Variants in MED30 observed in about 807,000 individuals in gnomAD.
The protein encoded by MED30 is mediator of RNA polymerase II transcription subunit 30.
MED30 carries 8 observed loss-of-function variants against 21.7 expected under a neutral mutation model. The observed-to-expected ratio is 0.37, with a 90% CI of 0.22 to 0.67. The LOEUF is 0.67. Among genes scored for constraint, MED30 ranks in the 30% least tolerant of loss-of-function variants. MED30 has a pLI of 0.58. For missense variants in MED30, 203 were observed against 228.2 expected, an observed-to-expected ratio of 0.89 and a Z score of 0.71; for synonymous variants, 79 against 86.7, an observed-to-expected ratio of 0.91 and a Z score of 0.49.
In MED30 at chr8:117,539,939, C is replaced by T. The variant is rs150287508; in HGVS notation, c.498C>T (p.Leu166=). The T allele has an allele frequency of 2.1e-3, 3,376 of 1,608,894 alleles. 9 individuals carry two copies. Among genetic ancestry groups the T allele is most frequent in the Non-Finnish European group, 1.9e-3 (2,274 of 1,177,554 alleles). The change falls in exon 4 of 4, where the codon CTC becomes CTT. Residue 166 remains leucine, a synonymous_variant. Transcript: ENST00000297347. ...AAATTATGGATCAATTACGAAATCT[C>T]ATCTGGGATATAAATGCCATGTTGG... The part of the protein sequence containing the change: ...LKQIMDQLRN[L]IWDINAMLAM...
At position 117,520,853 on chromosome 8, in the gene MED30, C is replaced by T; in HGVS notation, c.-24C>T. The T allele has an allele frequency of 6.4e-7, 1 of 1,557,176 alleles. No homozygotes were observed. The highest frequency in any genetic ancestry group is 8.7e-7 in the Non-Finnish European group (1 of 1,152,096). Reference sequence around the variant, plus strand: ...CCTGACACCTGCTGTCTGGCCCCTTCCGGCCTGAAGCTGCAGCCGCGCCAT... The same window carrying T: ...CCTGACACCTGCTGTCTGGCCCCTTTCGGCCTGAAGCTGCAGCCGCGCCAT... On this transcript the variant is annotated 5_prime_UTR_variant, in exon 1 of 4. Transcript: ENST00000297347.
At chr8:117,521,983 CTT>C (rs570225615) in intron 1 of MED30, among the ~76,000 whole-genome samples, 61 of 152,270 alleles carry the variant, frequency 4.0e-4, no homozygotes, top group African/African-American at 1.3e-3. Context: ...CTTTAAGAAA[CTT>C]TTCCAAAGTG....
At chr8:117,528,000 C>G (rs1818743722) in intron 1 of MED30, among the ~76,000 whole-genome samples, 1 of 151,588 alleles carries the variant, frequency 6.6e-6, no homozygotes, top group Non-Finnish European at 1.5e-5. Flanking sequence ...GATAAAATTC[C>G]TGAATTAAAA....
At chr8:117,530,688 ATT>A (rs558293986) in intron 2 of MED30, 33 bp from the exon 3 acceptor site, 1,225 of 1,489,568 alleles carry the variant, frequency 8.2e-4, no homozygotes, top group South Asian at 1.3e-3. Context: ...CTTGAATTAT[ATT>A]TTTGCCTTTT....
At chr8:117,527,137 AT>A (rs571199960) in intron 1 of MED30, among the ~76,000 whole-genome samples, 45 of 151,924 alleles carry the variant, frequency 3.0e-4, no homozygotes, top group Non-Finnish European at 5.9e-4. Flanking sequence ...GCAAGACATA[AT>A]CATCATGCTC....
At position 117,537,900 on chromosome 8, in the gene MED30, A is replaced by G. The variant is rs1454952859; in HGVS notation, c.442-1983A>G. 2.6e-5 allele frequency among the ~76,000 whole-genome samples: 4 copies of G among 152,234 alleles called. No homozygotes were observed. The South Asian group carries it at 6.2e-4, about 24-fold the overall frequency. On this transcript the variant is annotated intron_variant, in intron 3 of 3. Transcript: ENST00000297347. ...AATTACATAAATGAGAAAACCAAGAAGAAGGAATTTATCTAAGATCAAATA... is the reference window on the plus strand; with the variant it reads ...AATTACATAAATGAGAAAACCAAGAGGAAGGAATTTATCTAAGATCAAATA...
intron 3 of MED30, 68 bp from the exon 4 acceptor site, chr8:117,539,815 T>A: frequency 1.1e-6 from 1 of 932,040 alleles, no homozygotes; most frequent in Non-Finnish European, 1.7e-6. Context: ...ACTTATGATA[T>A]TTTAATCTTC....
At position 117,525,767 on chromosome 8, in the gene MED30, T is replaced by C. The variant is rs78313042; in HGVS notation, c.178-2884T>C. ...TAAGTGAATTTGTTTCTGGATGTTCTATTCTATTCCACGTAGCTGCCTATC... is the reference window on the plus strand; with the variant it reads ...TAAGTGAATTTGTTTCTGGATGTTCCATTCTATTCCACGTAGCTGCCTATC... On this transcript the variant is annotated intron_variant, in intron 1 of 3. Coordinates refer to ENST00000297347, the MANE Select transcript of MED30 (RefSeq NM_080651.4). Among the ~76,000 whole-genome samples, 535 of 151,880 alleles carry C rather than the reference T, an allele frequency of 3.5e-3. 4 individuals carry two copies. The highest frequency in any genetic ancestry group is 0.03 in the East Asian group (153 of 5,186).
At chr8:117,528,916 C>T (rs909069802) in intron 2 of MED30, 107 bp downstream of exon 2, 25 of 922,136 alleles carry the variant, frequency 2.7e-5, no homozygotes, top group Non-Finnish European at 3.5e-5. Context: ...TTCCAGGTTT[C>T]GAATTTTATT....
chr8:117,538,065 T>G (rs1367445545), intron 3 of MED30, among the ~76,000 whole-genome samples: 1 of 152,230 alleles, frequency 6.6e-6, no homozygotes, highest in Non-Finnish European at 1.5e-5. Context: ...AAAAAGACTT[T>G]ATAGGCTTGG....
intron 3 of MED30, among the ~76,000 whole-genome samples, chr8:117,531,635 T>C (rs574427964): frequency 1.2e-4 from 18 of 152,060 alleles, no homozygotes; most frequent in Admixed American, 3.3e-4. Context: ...AGACATCTGA[T>C]AAAATTCAAT....
chr8:117,522,778 A>T (rs937966327), intron 1 of MED30, among the ~76,000 whole-genome samples: 1 of 152,130 alleles, frequency 6.6e-6, no homozygotes. Context: ...GCAATAATTT[A>T]AAAAAATGAA....
At chr8:117,530,170 C>A (rs1236192451) in intron 2 of MED30, among the ~76,000 whole-genome samples, 1 of 151,952 alleles carries the variant, frequency 6.6e-6, no homozygotes, top group Non-Finnish European at 1.5e-5. Context: ...AGAAAAAGTT[C>A]TCACAACTGC....
At position 117,520,984 on chromosome 8, in the gene MED30, C is replaced by T. The variant is rs955078000; in HGVS notation, c.108C>T (p.Ile36=). ...TCAACACGGCGTCGCTGTGCCGCAT[C>T]GGGCAGGAGACAGTGCAGGACATCG... ...REVNTASLCR[I]GQETVQDIVY... The change falls in exon 1 of 4, where the codon ATC becomes ATT. Residue 36 remains isoleucine (I), a synonymous_variant. Coordinates refer to ENST00000297347, the MANE Select transcript of MED30 (RefSeq NM_080651.4). The T allele has an allele frequency of 6.2e-7, 1 of 1,613,108 alleles. No homozygotes were observed. Among genetic ancestry groups the T allele is most frequent in the Non-Finnish European group, 8.5e-7 (1 of 1,179,488 alleles).
intron 1 of MED30, among the ~76,000 whole-genome samples, chr8:117,524,569 A>G (rs1818690713): frequency 6.6e-6 from 1 of 152,242 alleles, no homozygotes; most frequent in Admixed American, 6.5e-5. Context: ...CTTGTGGAAG[A>G]TACCATTGCT....
chr8:117,535,939 T>G (rs1818872529), intron 3 of MED30, among the ~76,000 whole-genome samples: 1 of 152,266 alleles, frequency 6.6e-6, no homozygotes, highest in South Asian at 2.1e-4. Flanking sequence ...AGGAGTTATT[T>G]AAACAAAAAT....
At chr8:117,529,001 A>G (rs886988145) in intron 2 of MED30, 192 bp downstream of exon 2, 5 of 360,728 alleles carry the variant, frequency 1.4e-5, no homozygotes, top group African/African-American at 4.2e-5. Flanking sequence ...TACATTAACA[A>G]TTTCTTGTAG....
chr8:117,523,430 C>T, intron 1 of MED30: 3 of 1,568,948 alleles, frequency 1.9e-6, no homozygotes, highest in Non-Finnish European at 2.6e-6. Flanking sequence ...GGTCGCTCAC[C>T]CTCCAGACCT....
At chr8:117,525,072 C>A (rs796269466) in intron 1 of MED30, among the ~76,000 whole-genome samples, 1 of 152,082 alleles carries the variant, frequency 6.6e-6, no homozygotes, top group Non-Finnish European at 1.5e-5. Flanking sequence ...GTATACCTGT[C>A]GGATACGTTT....
Sources: gnomAD v4.1 joint callset for allele counts (sites outside exome capture counted in the v4.1 genomes callset) on GRCh38, gnomAD v4.1.1 for gene constraint, MANE v1.5 for transcripts, NCBI Gene and HGNC (gene_info 2026-07-23, HGNC 2026-07-21) for gene names.